The following ADAMTS19 variants were observed in gnomAD, a reference collection of about 807,000 sequenced individuals.
ADAMTS19 encodes the protein A disintegrin and metalloproteinase with thrombospondin motifs 19.
In ADAMTS19, 93 loss-of-function variants were observed where a neutral mutation model predicts 153.3. The observed-to-expected ratio is 0.61, with a 90% CI of 0.51 to 0.72. The LOEUF is 0.72. Among genes scored for constraint, ADAMTS19 ranks in the 30% least tolerant of loss-of-function variants. The probability of loss-of-function intolerance (pLI) is 0.00; values close to 1 mark genes in which losing one functional copy is unlikely to be tolerated. For synonymous variants in ADAMTS19, 600 were observed against 556.6 expected (o/e 1.08, Z -1.10); for missense variants, 1,482 against 1,552.1 (o/e 0.95, Z 0.76).
At chr5:129,593,652 T>C (rs954189289) in intron 7 of ADAMTS19, among the ~76,000 whole-genome samples, 5 of 152,200 alleles carry the variant, frequency 3.3e-5, no homozygotes, top group African/African-American at 1.2e-4. Context: ...TCAACTTCAC[T>C]GACAGCTTTT....
chr5:129,556,879 A>AT lies in ADAMTS19; in HGVS notation c.1372+4976dup, dbSNP rs562033757. The stretch of plus-strand genomic sequence containing the variant: ...ACACAAACAGCCTTTTCAACACTTG[A>AT]TTTTAGCCAGTGAGGTCTGTGTCAA... On this transcript the variant is annotated intron_variant, in intron 7 of 22. Transcript: ENST00000274487. 4.7e-3 allele frequency among the ~76,000 whole-genome samples: 719 copies of AT among 152,296 alleles called. 1 individual carries two copies. Among genetic ancestry groups the AT allele is most frequent in the Middle Eastern group, 0.01 (3 of 294 alleles).
At chr5:129,604,853 A>G (rs1750817604) in intron 8 of ADAMTS19, among the ~76,000 whole-genome samples, 1 of 152,214 alleles carries the variant, frequency 6.6e-6, no homozygotes, top group South Asian at 2.1e-4. Flanking sequence ...TGGTACACAC[A>G]TGCAGAAATG....
chr5:129,715,737 AG>A (rs1242212856), intron 21 of ADAMTS19, among the ~76,000 whole-genome samples: 2 of 152,188 alleles, frequency 1.3e-5, no homozygotes, highest in Non-Finnish European at 2.9e-5. Context: ...TTGAAAGGGA[AG>A]ATTGTGAATT....
chr5:129,718,640 A>C (rs1008398115), intron 21 of ADAMTS19, among the ~76,000 whole-genome samples: 4 of 152,216 alleles, frequency 2.6e-5, no homozygotes, highest in Non-Finnish European at 4.4e-5. Context: ...AATAATTTCC[A>C]GTAGAAGTCA....
At chr5:129,720,711 C>T (rs1284963767) in intron 21 of ADAMTS19, among the ~76,000 whole-genome samples, 1 of 152,132 alleles carries the variant, frequency 6.6e-6, no homozygotes, top group African/African-American at 2.4e-5. Context: ...ATACAAGAGT[C>T]AGAGGTCAAT....
At chr5:129,566,486 A>G (rs1249547910) in intron 7 of ADAMTS19, among the ~76,000 whole-genome samples, 2 of 152,188 alleles carry the variant, frequency 1.3e-5, no homozygotes, top group East Asian at 3.9e-4. Flanking sequence ...AGTAAAAGTA[A>G]CAGGCTGATT....
At chr5:129,633,439 T>C (rs1470569538) in intron 10 of ADAMTS19, among the ~76,000 whole-genome samples, 2 of 152,184 alleles carry the variant, frequency 1.3e-5, no homozygotes, top group Non-Finnish European at 1.5e-5. Context: ...ATACTAGAAA[T>C]GTTGTTGTTA....
chr5:129,621,608 T>C, intron 9 of ADAMTS19, among the ~76,000 whole-genome samples: 1 of 152,208 alleles, frequency 6.6e-6, no homozygotes, highest in East Asian at 1.9e-4. Context: ...ACACCATCAG[T>C]AGCTGCATCA....
chr5:129,594,646 G>T (rs565875681), intron 7 of ADAMTS19, among the ~76,000 whole-genome samples: 1 of 151,112 alleles, frequency 6.6e-6, no homozygotes, highest in Non-Finnish European at 1.5e-5. Context: ...CAAAATCTTC[G>T]TTTTCCACTC....
intron 14 of ADAMTS19, among the ~76,000 whole-genome samples, chr5:129,657,164 T>C (rs2127061967): frequency 6.6e-6 from 1 of 152,310 alleles, no homozygotes; most frequent in South Asian, 2.1e-4. Context: ...GCTAACACTT[T>C]GTACCTCTTG....
At chr5:129,575,738 C>T (rs1175346576) in intron 7 of ADAMTS19, among the ~76,000 whole-genome samples, 1 of 151,972 alleles carries the variant, frequency 6.6e-6, no homozygotes, top group Non-Finnish European at 1.5e-5. Flanking sequence ...TTGATTGTGT[C>T]ATAAACATTA....
At chr5:129,524,725 G>A (rs954211217) in intron 3 of ADAMTS19, among the ~76,000 whole-genome samples, 15 of 150,780 alleles carry the variant, frequency 9.9e-5, no homozygotes, top group African/African-American at 3.7e-4. Context: ...TAACAAACCT[G>A]CACGTTCTGC....
intron 2 of ADAMTS19, among the ~76,000 whole-genome samples, chr5:129,471,450 A>G (rs148848694): frequency 1.4e-5 from 2 of 146,516 alleles, no homozygotes; most frequent in South Asian, 2.2e-4. Flanking sequence ...AGAAAGAAAA[A>G]GAAGGAAGGA....
chr5:129,702,136 T>C (rs2127162217), intron 20 of ADAMTS19, among the ~76,000 whole-genome samples: 1 of 152,210 alleles, frequency 6.6e-6, no homozygotes, highest in East Asian at 1.9e-4. Context: ...AACCCAAGGT[T>C]GTTTAACTCA....
intron 16 of ADAMTS19, among the ~76,000 whole-genome samples, chr5:129,669,800 C>A (rs904153019): frequency 1.3e-5 from 2 of 151,986 alleles, no homozygotes; most frequent in African/African-American, 4.8e-5. Flanking sequence ...CAGATAATTT[C>A]TAATTCCCCA....
chr5:129,529,189 A>T (rs1429932110), intron 6 of ADAMTS19, among the ~76,000 whole-genome samples: 2 of 152,134 alleles, frequency 1.3e-5, no homozygotes, highest in African/African-American at 4.8e-5. Flanking sequence ...AAATAAATGT[A>T]AGTGAAATAA....
chr5:129,613,805 G>A (rs1303954019), intron 8 of ADAMTS19, among the ~76,000 whole-genome samples: 1 of 151,850 alleles, frequency 6.6e-6, no homozygotes, highest in African/African-American at 2.4e-5. Context: ...TAATAAAGAA[G>A]AAAAGAGAGA....
chr5:129,694,260 A>G (rs1246069449), intron 18 of ADAMTS19, among the ~76,000 whole-genome samples: 4 of 152,194 alleles, frequency 2.6e-5, no homozygotes, highest in Non-Finnish European at 4.4e-5. Flanking sequence ...ATTATAAATA[A>G]TATCTTCATT....
At chr5:129,548,875 A>G (rs1481820983) in intron 6 of ADAMTS19, among the ~76,000 whole-genome samples, 1 of 151,852 alleles carries the variant, frequency 6.6e-6, no homozygotes, top group East Asian at 1.9e-4. Context: ...TGTCCTTTAT[A>G]GGGACATGGA....
Sources: gnomAD v4.1 joint callset for allele counts (sites outside exome capture counted in the v4.1 genomes callset) on GRCh38, gnomAD v4.1.1 for gene constraint, MANE v1.5 for transcripts, NCBI Gene and HGNC (gene_info 2026-07-23, HGNC 2026-07-21) for gene names.